MGA: variants seen among roughly 807,000 people sequenced by gnomAD.
MGA encodes MAX gene-associated protein.
In MGA, 40 loss-of-function variants were observed where a neutral mutation model predicts 261.1. The ratio of observed to expected loss-of-function variants is 0.15; its 90% CI spans 0.12 to 0.20. MGA has a LOEUF of 0.20. MGA is among the 10% of genes least tolerant of loss of function. MGA has a pLI of 1.00. For missense variants in MGA, 3,397 were observed against 3,630.5 expected (o/e 0.94, Z 1.65); for synonymous variants, 1,302 against 1,290.6 (o/e 1.01, Z -0.19).
intron 1 of MGA, among the ~76,000 whole-genome samples, chr15:41,632,779 T>C (rs1261190229): frequency 1.6e-5 from 1 of 62,682 alleles, no homozygotes; most frequent in Admixed American, 2.1e-4. Flanking sequence ...CTGTAGGAGA[T>C]AGGGAAAAAA....
At position 41,743,081 on chromosome 15, in the gene MGA, C is replaced by T. The variant is rs367727838; in HGVS notation, c.5121C>T (p.Ser1707=). The change falls in exon 15 of 24, where the codon TCC becomes TCT. Residue 1707 remains serine (S), a synonymous_variant. Transcript: ENST00000219905. ...TCGTGGTGACTGCAGCTGCATCTTC[C>T]TCCATGGTGACCACACCAACTTCAT... is the stretch of plus-strand genomic sequence containing the variant. 4 of 1,613,884 alleles carry T rather than the reference C, an allele frequency of 2.5e-6. No individual in the cohort carries two copies. The highest frequency in any genetic ancestry group is 2.7e-5 in the African/African-American group (2 of 74,940).
intron 9 of MGA, among the ~76,000 whole-genome samples, chr15:41,718,903 TC>T (rs2060797653): frequency 6.6e-6 from 1 of 152,144 alleles, no homozygotes; most frequent in Non-Finnish European, 1.5e-5. Flanking sequence ...GTACAGGAGG[TC>T]CTAGCCAGTG....
At chr15:41,672,346 G>T (rs992441246) in intron 2 of MGA, among the ~76,000 whole-genome samples, 3 of 152,142 alleles carry the variant, frequency 2.0e-5, no homozygotes, top group Admixed American at 2.0e-4. Flanking sequence ...GTAGAGAAGA[G>T]GTTTTGCCAT....
intron 1 of MGA, among the ~76,000 whole-genome samples, chr15:41,666,561 G>A (rs1277662925): frequency 6.6e-6 from 1 of 152,130 alleles, no homozygotes; most frequent in African/African-American, 2.4e-5. Context: ...AAACCTGCAC[G>A]TGTTCTCCCT....
In MGA at chr15:41,766,250, A is replaced by G. The variant is rs898906263; in HGVS notation, c.8168A>G (p.Lys2723Arg). ...CCAACGCAGGTTTTTCTGGCAAACAAAGATTCTGGTTATCCACAAATAGTT... is the reference window on the plus strand; with the variant it reads ...CCAACGCAGGTTTTTCTGGCAAACAGAGATTCTGGTTATCCACAAATAGTT... The change falls in exon 24 of 24, where the codon AAA becomes AGA. Residue 2723 changes from lysine (K) to arginine (R), a missense_variant. Transcript: ENST00000219905. 1.9e-6 allele frequency: 3 copies of G among 1,614,030 alleles called. No homozygotes were observed. Among genetic ancestry groups the G allele is most frequent in the Admixed American group, 1.7e-5 (1 of 60,020 alleles).
chr15:41,739,072 G>C (rs1233691116), intron 13 of MGA, among the ~76,000 whole-genome samples: 2 of 151,954 alleles, frequency 1.3e-5, no homozygotes, highest in Non-Finnish European at 2.9e-5. Flanking sequence ...GAGTTGCCTG[G>C]CAATATGACC....
rs2061796875 is a variant in MGA at position 41,736,715 on chromosome 15, A to G, written c.4434+17A>G. The G allele has an allele frequency of 1.3e-6, 2 of 1,575,078 alleles. No individual in the cohort carries two copies. The highest frequency in any genetic ancestry group is 4.5e-5 in the East Asian group (2 of 44,546). On this transcript the variant is annotated intron_variant, in intron 13 of 23. Coordinates refer to ENST00000219905, the MANE Select transcript of MGA (RefSeq NM_001164273.2). ...CTTATCCAGGTGAGAATTATCTTTA[A>G]TCTGGGTATAGCACCTTTGTATACA... is the stretch of plus-strand genomic sequence containing the variant.
At chr15:41,661,979 T>A (rs56257938) in intron 1 of MGA, among the ~76,000 whole-genome samples, 5,459 of 152,116 alleles carry the variant, frequency 0.036, 352 homozygotes, top group African/African-American at 0.12. Flanking sequence ...TTCACGTGGT[T>A]CTTGGCCAGC....
intron 22 of MGA, 33 bp from the exon 23 acceptor site, chr15:41,764,853 T>C (rs765610279): frequency 6.2e-7 from 1 of 1,609,502 alleles, no homozygotes; most frequent in Non-Finnish European, 8.5e-7. Context: ...TGAATGCCTT[T>C]TATCTATAAC....
intron 22 of MGA, among the ~76,000 whole-genome samples, chr15:41,763,447 T>C (rs2063610404): frequency 6.6e-6 from 1 of 151,454 alleles, no homozygotes; most frequent in Non-Finnish European, 1.5e-5. Flanking sequence ...AATACATTAC[T>C]ATTAAGAAAC....
At chr15:41,727,765 T>C (rs1464606589) in intron 10 of MGA, among the ~76,000 whole-genome samples, 1 of 151,038 alleles carries the variant, frequency 6.6e-6, no homozygotes, top group Non-Finnish European at 1.5e-5. Flanking sequence ...GAAAAAGCTT[T>C]TAAAAGCTTT....
rs1392454275 is a variant in MGA, at chr15:41,762,911, A to G, written c.7744+549A>G. On this transcript the variant is annotated intron_variant, in intron 22 of 23. Transcript: ENST00000219905. ...ACCAGTCCTGGTAGCATATTAGTCT[A>G]TAGTCATGTATTTTTAATGAGTAGT... 3.3e-5 allele frequency among the ~76,000 whole-genome samples: 5 copies of G among 152,096 alleles called. No individual in the cohort carries two copies. The South Asian group carries it at 6.2e-4, about 19-fold the overall frequency.
At chr15:41,716,402 C>T (rs905392526) in intron 9 of MGA, among the ~76,000 whole-genome samples, 3 of 151,600 alleles carry the variant, frequency 2.0e-5, no homozygotes, top group East Asian at 1.9e-4. Context: ...TGCAGTGAGC[C>T]GAGATTGTGC....
intron 1 of MGA, among the ~76,000 whole-genome samples, chr15:41,663,759 C>T (rs1201372465): frequency 6.6e-6 from 1 of 152,112 alleles, no homozygotes; most frequent in Admixed American, 6.6e-5. Context: ...GCGCGAGCCA[C>T]CGCTCCCGGC....
intron 2 of MGA, among the ~76,000 whole-genome samples, chr15:41,671,620 C>G (rs550293570): frequency 3.3e-5 from 5 of 152,112 alleles, no homozygotes; most frequent in Non-Finnish European, 5.9e-5. Flanking sequence ...TGAGCCACCG[C>G]GCCCGGCCTG....
At chr15:41,760,736 T>G (rs1438245009) in intron 20 of MGA, among the ~76,000 whole-genome samples, 2 of 10,872 alleles carry the variant, frequency 1.8e-4, no homozygotes, top group Admixed American at 4.4e-3. Flanking sequence ...GAAAGTCAGA[T>G]TTTTTTTTTT....
chr15:41,658,104 T>A (rs1012208393), upstream of MGA, among the ~76,000 whole-genome samples: 4 of 152,236 alleles, frequency 2.6e-5, no homozygotes, highest in African/African-American at 4.8e-5. Context: ...CAAAACTGTG[T>A]ACATTCTAGG....
intron 15 of MGA, among the ~76,000 whole-genome samples, chr15:41,748,347 G>T (rs971059901): frequency 6.6e-6 from 1 of 152,150 alleles, no homozygotes. Context: ...GAGGTCAGGG[G>T]TTTGAGACCA....
chr15:41,709,278 G>T (rs2060266452), intron 7 of MGA, among the ~76,000 whole-genome samples: 1 of 151,994 alleles, frequency 6.6e-6, no homozygotes, highest in African/African-American at 2.4e-5. Context: ...GCCCAGGGAG[G>T]TTGAGGCTGC....
Sources: gnomAD v4.1 joint callset for allele counts (sites outside exome capture counted in the v4.1 genomes callset) on GRCh38, gnomAD v4.1.1 for gene constraint, MANE v1.5 for transcripts, NCBI Gene and HGNC (gene_info 2026-07-23, HGNC 2026-07-21) for gene names.